The following KSR1 variants were observed in gnomAD, a reference collection of about 807,000 sequenced individuals.
KSR1 encodes the protein kinase suppressor of ras 1.
A neutral mutation model predicts 92.9 loss-of-function variants in KSR1; 35 were observed. The ratio of observed to expected loss-of-function variants is 0.38; its 90% CI spans 0.29 to 0.50. The LOEUF is 0.50. KSR1 is among the 20% of genes least tolerant of loss of function. The pLI is 0.94. For synonymous variants in KSR1, 467 were observed against 472.6 expected (o/e 0.99, Z 0.15); for missense variants, 972 against 1,158.5 (o/e 0.84, Z 2.34).
chr17:27,526,539 T>G lies in KSR1; in HGVS notation c.232-24029T>G. ...TGCCATCTCACACTCTCGCTCTGTC[T>G]GCTGGATTTTGGCCACAATGCACCT... On this transcript the variant is annotated intron_variant, in intron 1 of 20. Transcript: ENST00000644974. 3.1e-6 allele frequency: 5 copies of G among 1,603,402 alleles called. No homozygotes were observed. The South Asian group carries it at 4.4e-5, about 14-fold the overall frequency.
chr17:27,527,583 T>C (rs2070364360), intron 1 of KSR1, among the ~76,000 whole-genome samples: 3 of 152,048 alleles, frequency 2.0e-5, no homozygotes, highest in South Asian at 4.2e-4. Context: ...TTAGTAGAGA[T>C]GGGGTTTTAC....
intron 4 of KSR1, among the ~76,000 whole-genome samples, 178 bp downstream of exon 4, chr17:27,583,283 C>G (rs1293841448): frequency 6.6e-6 from 1 of 152,258 alleles, no homozygotes; most frequent in Non-Finnish European, 1.5e-5. Context: ...CTGAATCCTT[C>G]TAGATTTGGT....
At chr17:27,457,622 AT>A (rs2019240108) in intron 1 of KSR1, among the ~76,000 whole-genome samples, 1 of 152,128 alleles carries the variant, frequency 6.6e-6, no homozygotes, top group South Asian at 2.1e-4. Context: ...AAGAAATAAG[AT>A]ATGCGGGCCT....
At position 27,583,037 on chromosome 17, in the gene KSR1, C is replaced by A; in HGVS notation, c.912C>A (p.Pro304=). 1 of 1,609,098 alleles carries A rather than the reference C, an allele frequency of 6.2e-7. No homozygotes were observed. The change falls in exon 4 of 21, where the codon CCC becomes CCA. Residue 304 remains proline, a synonymous_variant. Coordinates refer to ENST00000644974, the MANE Select transcript of KSR1 (RefSeq NM_001394583.1). ...TCTTCCAGCTGCTGCCCAGCTTCCC[C>A]ACACTCACCCGGAGCAAGTCCCATG... ...RKVFQLLPSF[P]TLTRSKSHES...
chr17:27,560,444 G>T, intron 2 of KSR1: 1 of 519,078 alleles, frequency 1.9e-6, no homozygotes, highest in Non-Finnish European at 3.8e-6. Context: ...AACTGAAGAT[G>T]CAGGCGGATC....
intron 1 of KSR1, among the ~76,000 whole-genome samples, chr17:27,544,143 C>T (rs2071076598): frequency 2.0e-5 from 3 of 152,176 alleles, no homozygotes; most frequent in Admixed American, 2.0e-4. Context: ...AGATCAACCC[C>T]ATTTTACAGG....
intron 9 of KSR1, among the ~76,000 whole-genome samples, chr17:27,595,402 A>T (rs775227851): frequency 6.6e-6 from 1 of 152,258 alleles, no homozygotes; most frequent in African/African-American, 2.4e-5. Flanking sequence ...CACCTTTGTG[A>T]TGCTACTGAT....
At chr17:27,599,662 G>A (rs910603998) in intron 10 of KSR1, among the ~76,000 whole-genome samples, 1 of 152,048 alleles carries the variant, frequency 6.6e-6, no homozygotes, top group Non-Finnish European at 1.5e-5. Context: ...AAACACTTAG[G>A]CTATACTAAA....
At chr17:27,566,308 C>T (rs1280131903) in intron 2 of KSR1, 1 of 394,846 alleles carries the variant, frequency 2.5e-6, no homozygotes. Flanking sequence ...GTGCTGACTC[C>T]CCAGCTCCCA....
intron 1 of KSR1, among the ~76,000 whole-genome samples, chr17:27,506,472 A>G (rs996248803): frequency 6.6e-6 from 1 of 152,050 alleles, no homozygotes; most frequent in Non-Finnish European, 1.5e-5. Flanking sequence ...ACTGCCTGAT[A>G]CTCGATTATG....
intron 10 of KSR1, among the ~76,000 whole-genome samples, chr17:27,600,459 A>T (rs541010791): frequency 3.9e-5 from 6 of 152,092 alleles, no homozygotes; most frequent in Admixed American, 2.6e-4. Flanking sequence ...ATATATAAAT[A>T]AAAAAAATTT....
chr17:27,597,097 G>A (rs1474104917), intron 9 of KSR1, among the ~76,000 whole-genome samples, 171 bp from the exon 10 acceptor site: 2 of 152,216 alleles, frequency 1.3e-5, no homozygotes, highest in African/African-American at 4.8e-5. Flanking sequence ...GCACTGAGGC[G>A]AGGGCCTCTG....
At chr17:27,528,938 A>T (rs1380288795) in intron 1 of KSR1, among the ~76,000 whole-genome samples, 1 of 152,092 alleles carries the variant, frequency 6.6e-6, no homozygotes, top group Non-Finnish European at 1.5e-5. Flanking sequence ...TCCCAAAACA[A>T]AACTTACACC....
intron 2 of KSR1, among the ~76,000 whole-genome samples, chr17:27,575,859 C>A (rs749707111): frequency 1.3e-5 from 2 of 152,230 alleles, no homozygotes; most frequent in Non-Finnish European, 2.9e-5. Flanking sequence ...TCTCATGGTT[C>A]TCTAGGTGGA....
intron 1 of KSR1, among the ~76,000 whole-genome samples, chr17:27,516,442 A>G (rs763043309): frequency 1.4e-4 from 21 of 152,122 alleles, no homozygotes; most frequent in Non-Finnish European, 2.6e-4. Flanking sequence ...AGATCAATCC[A>G]TTGTTGGAAC....
At chr17:27,617,460 G>T in intron 19 of KSR1, 32 bp downstream of exon 19, 1 of 1,587,674 alleles carries the variant, frequency 6.3e-7, no homozygotes, top group Non-Finnish European at 8.6e-7. Context: ...CAGACTGCCA[G>T]CCAGGCCCTC....
intron 16 of KSR1, 140 bp downstream of exon 16, chr17:27,609,469 C>G: frequency 1.8e-6 from 2 of 1,102,386 alleles, no homozygotes; most frequent in Admixed American, 2.2e-5. Flanking sequence ...GTCCTGCCCT[C>G]GTAGTTCTGG....
intron 10 of KSR1, among the ~76,000 whole-genome samples, chr17:27,599,884 A>G (rs1159307719): frequency 6.6e-6 from 1 of 151,492 alleles, no homozygotes; most frequent in East Asian, 1.9e-4. Context: ...TTTACTTTTT[A>G]AACTTTTTTG....
chr17:27,600,090 CTTTTTTTT>C (rs552526373), intron 10 of KSR1, among the ~76,000 whole-genome samples: 11 of 115,330 alleles, frequency 9.5e-5, no homozygotes, highest in Admixed American at 9.0e-4. Context: ...TTACAGATAA[CTTTTTTTT>C]TTTTTTTTTT....
Sources: allele counts gnomAD v4.1 joint callset (sites outside exome capture counted in the v4.1 genomes callset), GRCh38; gene constraint gnomAD v4.1.1; transcripts MANE v1.5; gene names NCBI Gene and HGNC (gene_info 2026-07-23, HGNC 2026-07-21).